Variants in INF2 observed in about 807,000 individuals in gnomAD.
The protein encoded by INF2 is inverted formin-2.
In INF2, 43 loss-of-function variants were observed where a neutral mutation model predicts 123.5. That is an observed-to-expected ratio of 0.35 (90% CI 0.27 to 0.45). The LOEUF is 0.45. Among genes scored for constraint, INF2 ranks in the 20% least tolerant of loss-of-function variants. The probability of loss-of-function intolerance (pLI) is 1.00; values close to 1 mark genes in which losing one functional copy is unlikely to be tolerated. For synonymous variants in INF2, 851 were observed against 745.0 expected, an observed-to-expected ratio of 1.14 and a Z score of -2.32; for missense variants, 1,453 against 1,682.7, an observed-to-expected ratio of 0.86 and a Z score of 2.39.
intron 1 of INF2, among the ~76,000 whole-genome samples, chr14:104,681,766 C>T (rs1429338648): frequency 2.6e-5 from 4 of 152,080 alleles, no homozygotes; most frequent in Non-Finnish European, 4.4e-5. Flanking sequence ...GCAGGGTGGG[C>T]GGGGCAGGTG....
At chr14:104,693,031 G>T (rs1889027165) in intron 1 of INF2, among the ~76,000 whole-genome samples, 1 of 152,232 alleles carries the variant, frequency 6.6e-6, no homozygotes, top group Non-Finnish European at 1.5e-5. Context: ...GTTGGAAATG[G>T]CATGGAGACC....
At position 104,706,995 on chromosome 14, in the gene INF2, T is replaced by G. The variant is rs145742634; in HGVS notation, c.929T>G (p.Leu310Arg). 1.3e-6 allele frequency: 2 copies of G among 1,597,686 alleles called. No homozygotes were observed. ...GAGCCCACCCTCCGCTCCAGCCAGC[T>G]GCTCTGGGAGGCCCTGGAGAGCCTC... The part of the protein sequence containing the change: ...HLEPTLRSSQ[L>R]LWEALESLVN... The change falls in exon 7 of 23, where the codon CTG (leucine) becomes CGG (arginine). Residue 310 changes from leucine (L) to arginine (R), a missense_variant. Leu to Arg is a moderately radical substitution (Grantham distance 102). Coordinates refer to ENST00000392634, the MANE Select transcript of INF2 (RefSeq NM_022489.4).
At chr14:104,708,112 G>A (rs538754113) in intron 8 of INF2, 110 bp downstream of exon 8, 8 of 1,518,040 alleles carry the variant, frequency 5.3e-6, no homozygotes, top group South Asian at 2.3e-5. Flanking sequence ...CTGCCCGTGC[G>A]TGGCCAGGGC....
At chr14:104,705,912 G>A in intron 5 of INF2, 123 bp from the exon 6 acceptor site, 1 of 1,237,184 alleles carries the variant, frequency 8.1e-7, no homozygotes, top group East Asian at 2.5e-5. Context: ...AGCTGGCTAT[G>A]GCCTGGCTCA....
chr14:104,714,768 G>C lies in INF2; in HGVS notation c.3606G>C (p.Ser1202=). The stretch of plus-strand genomic sequence containing the variant: ...CCGAGGATGCGGTGACCGACTCCTC[G>C]GGGTCGGGCACACTCCCCAGGGCCC... ...SFSEDAVTDS[S]GSGTLPRARG... The change falls in exon 21 of 23, where the codon TCG becomes TCC. Residue 1202 remains serine (S), a synonymous_variant. Transcript: ENST00000392634. The C allele has an allele frequency of 6.3e-7, 1 of 1,599,342 alleles. No individual in the cohort carries two copies. The highest frequency in any genetic ancestry group is 8.5e-7 in the Non-Finnish European group (1 of 1,173,964).
chr14:104,702,264 G>A (rs1889557089), intron 2 of INF2, among the ~76,000 whole-genome samples: 1 of 152,072 alleles, frequency 6.6e-6, no homozygotes, highest in African/African-American at 2.4e-5. Context: ...CTCCCTCCCC[G>A]CCCTGTCCCC....
chr14:104,709,743 C>T, intron 12 of INF2, 38 bp downstream of exon 12: 2 of 1,572,902 alleles, frequency 1.3e-6, no homozygotes, highest in Non-Finnish European at 1.7e-6. Flanking sequence ...GGCCTGGGCC[C>T]CAGGTGGGAG....
intron 15 of INF2, among the ~76,000 whole-genome samples, 161 bp downstream of exon 15, chr14:104,711,347 C>G (rs1345056247): frequency 6.6e-6 from 1 of 152,154 alleles, no homozygotes; most frequent in African/African-American, 2.4e-5. Flanking sequence ...GAGCCACGCC[C>G]CCACCCCTCC....
intron 12 of INF2, 65 bp downstream of exon 12, chr14:104,709,770 A>G: frequency 7.2e-7 from 1 of 1,383,072 alleles, no homozygotes; most frequent in Non-Finnish European, 1.0e-6. Context: ...AGGAATAGGG[A>G]GCAGGGCCCA....
chr14:104,686,338 G>A (rs1441387259), upstream of INF2, among the ~76,000 whole-genome samples: 1 of 150,594 alleles, frequency 6.6e-6, no homozygotes, highest in Non-Finnish European at 1.5e-5. Flanking sequence ...AGTGGATTAA[G>A]GGTGAATAGG....
In INF2 at chr14:104,719,047, C is replaced by A; in HGVS notation, c.*254C>A. On this transcript the variant is annotated 3_prime_UTR_variant, in exon 23 of 23. Transcript: ENST00000392634. Reference sequence around the variant, plus strand: ...CACGTGCCAGCCTCCCACCTGCTTCCTAAAGGCAACCCTGGCCCACACCCG... The same window carrying A: ...CACGTGCCAGCCTCCCACCTGCTTCATAAAGGCAACCCTGGCCCACACCCG... 1 of 838,010 alleles carries A rather than the reference C, an allele frequency of 1.2e-6. No homozygotes were observed. The highest frequency in any genetic ancestry group is 1.7e-6 in the Non-Finnish European group (1 of 573,526). The allele number at this position is 838,010 out of a possible 1,614,324, so 51.9% of individuals were successfully genotyped here. A position where few individuals can be genotyped will look rare whatever the true frequency, so the allele number is the denominator to read the frequency against.
chr14:104,716,016 A>G (rs1369046752), intron 22 of INF2: 2 of 452,070 alleles, frequency 4.4e-6, no homozygotes, highest in Admixed American at 2.4e-5. Flanking sequence ...TCAATCAGCC[A>G]GGTCCGTCCA....
upstream of INF2, among the ~76,000 whole-genome samples, chr14:104,688,276 G>A (rs973718482): frequency 6.6e-6 from 1 of 152,236 alleles, no homozygotes; most frequent in African/African-American, 2.4e-5. Context: ...AACTTCCGGG[G>A]CTGGGGCTGC....
At position 104,721,355 on chromosome 14, in the gene INF2, T is replaced by G. The variant is rs1890551680; in HGVS notation, c.*2562T>G. On this transcript the variant is annotated 3_prime_UTR_variant, in exon 23 of 23. Transcript: ENST00000392634. Reference sequence around the variant, plus strand: ...CGTCGTCCTCGTGTGGATGCTGCTGTGGACGTCTGCGTAGTCTCGTGTGGA... The same window carrying G: ...CGTCGTCCTCGTGTGGATGCTGCTGGGGACGTCTGCGTAGTCTCGTGTGGA... The G allele has an allele frequency of 6.6e-6, 1 of 152,416 alleles. No homozygotes were observed. Among genetic ancestry groups the G allele is most frequent in the East Asian group, 2.1e-4 (1 of 4,864 alleles). The allele number at this position is 152,416 out of a possible 1,614,324, so 9.4% of individuals were successfully genotyped here. A position where few individuals can be genotyped will look rare whatever the true frequency, so the allele number is the denominator to read the frequency against.
Position 104,709,296 on chromosome 14 carries a change from C to G in INF2, c.1965C>G (p.Val655=). 6.2e-7 allele frequency: 1 copy of G among 1,612,800 alleles called. No individual in the cohort carries two copies. Among genetic ancestry groups the G allele is most frequent in the Non-Finnish European group, 8.5e-7 (1 of 1,179,706 alleles). The stretch of plus-strand genomic sequence containing the variant: ...CCTGCTCCAGCTCCAACGAGGAGGT[C>G]GCTGCTATGATCCGGGCTGGAGATA... The part of the protein sequence containing the change: ...LKQFKCSNEE[V]AAMIRAGDTT... Residue 655 remains valine (V), a synonymous_variant, in exon 11 of 23, where the codon GTC becomes GTG. Coordinates refer to ENST00000392634, the MANE Select transcript of INF2 (RefSeq NM_022489.4).
intron 1 of INF2, among the ~76,000 whole-genome samples, chr14:104,683,523 G>T (rs1050076137): frequency 6.6e-6 from 1 of 152,012 alleles, no homozygotes; most frequent in African/African-American, 2.4e-5. Flanking sequence ...AAGGGAGAAG[G>T]CCCGCAGGGG....
In INF2 at chr14:104,684,261, G is replaced by T; in HGVS notation, c.-104+2679G>T. On this transcript the variant is annotated intron_variant, in intron 1 of 2. Coordinates refer to the INF2 transcript ENST00000674723. This position sits in a 1 kb window ranked among gnomAD's most constrained non-coding sequence, Gnocchi z 5.0. The stretch of plus-strand genomic sequence containing the variant: ...GGGACAGCTCGAGGGCTCACTGGAG[G>T]TCAGCAGGGAGGTGGACTGCGTCTC... The T allele has an allele frequency of 2.4e-6, 1 of 408,258 alleles. No homozygotes were observed. Among genetic ancestry groups the T allele is most frequent in the South Asian group, 1.8e-5 (1 of 55,766 alleles). The allele number at this position is 408,258 out of a possible 1,614,324, so 25.3% of individuals were successfully genotyped here. A position where few individuals can be genotyped will look rare whatever the true frequency, so the allele number is the denominator to read the frequency against.
At chr14:104,710,870 C>T (rs1355028386) in intron 13 of INF2, 67 bp from the exon 14 acceptor site, 7 of 1,428,468 alleles carry the variant, frequency 4.9e-6, no homozygotes, top group Non-Finnish European at 5.8e-6. Flanking sequence ...CAGGACCACA[C>T]CCCACCGCCA....
chr14:104,707,504 G>A lies in INF2; in HGVS notation c.1237G>A (p.Ala413Thr), dbSNP rs1475279591. 5 of 1,547,758 alleles carry A rather than the reference G, an allele frequency of 3.2e-6. No individual in the cohort carries two copies. Among genetic ancestry groups the A allele is most frequent in the Non-Finnish European group, 3.5e-6 (4 of 1,146,670 alleles). The change falls in exon 8 of 23, where the codon GCC (alanine) becomes ACC (threonine). Residue 413 changes from alanine to threonine, a missense_variant. By Grantham distance (58) the Ala-to-Thr change is moderately conservative. Coordinates refer to ENST00000392634, the MANE Select transcript of INF2 (RefSeq NM_022489.4). ...ESILKVSQPR[A>T]LEQQASTPPP... ...CATCCTGAAAGTTTCGCAGCCCAGA[G>A]CCCTGGAGCAGCAGGCGTCCACCCC...
Sources: allele counts gnomAD v4.1 joint callset (sites outside exome capture counted in the v4.1 genomes callset), GRCh38; gene constraint gnomAD v4.1.1; non-coding constraint Gnocchi (gnomAD v3.1); transcripts MANE v1.5; gene names NCBI Gene and HGNC (gene_info 2026-07-23, HGNC 2026-07-21).